Variants in RELCH observed in about 807,000 individuals in gnomAD.
The protein encoded by RELCH is RAB11-binding protein RELCH.
Under a neutral mutation model 150.3 loss-of-function variants are expected in RELCH, and 41 were observed. The ratio of observed to expected loss-of-function variants is 0.27; its 90% CI spans 0.21 to 0.35. The LOEUF (loss-of-function observed/expected upper bound fraction) is 0.35. RELCH is among the 10% of genes least tolerant of loss of function. RELCH has a pLI of 1.00. For missense variants in RELCH, 1,092 were observed against 1,467.8 expected (o/e 0.74, Z 4.18); for synonymous variants, 478 against 531.8 (o/e 0.90, Z 1.39).
intron 18 of RELCH, among the ~76,000 whole-genome samples, chr18:62,265,176 TACTTACTG>T (rs1323454830): frequency 6.6e-6 from 1 of 152,080 alleles, no homozygotes; most frequent in Non-Finnish European, 1.5e-5. Flanking sequence ...GTGCTGCTGG[TACTTACTG>T]TCTATCACAG....
intron 27 of RELCH, among the ~76,000 whole-genome samples, chr18:62,298,100 C>G (rs576327235): frequency 6.6e-6 from 1 of 151,570 alleles, no homozygotes; most frequent in Non-Finnish European, 1.5e-5. Flanking sequence ...TTATCCCCCC[C>G]CGTCTAAAAA....
At chr18:62,250,708 G>A (rs547508493) in intron 11 of RELCH, among the ~76,000 whole-genome samples, 1 of 152,304 alleles carries the variant, frequency 6.6e-6, no homozygotes, top group South Asian at 2.1e-4. Flanking sequence ...TGTTTCCAAA[G>A]AGCTTTGTTA....
intron 1 of RELCH, among the ~76,000 whole-genome samples, chr18:62,195,407 T>C (rs748010303): frequency 5.3e-5 from 8 of 152,190 alleles, no homozygotes; most frequent in Non-Finnish European, 7.4e-5. Flanking sequence ...GGTAATGACA[T>C]TGATGAACAC....
rs1568459489 is a variant in RELCH, at chr18:62,305,548, GC to G, written c.*19del. 1 of 1,602,668 alleles carries G rather than the reference GC, an allele frequency of 6.2e-7. No homozygotes were observed. ...AGAAAGAAGTAGAAGCAGGAAAGAAGCCCCCAGTAAACACTAAGATGGACCT... is the reference window on the plus strand; with the variant it reads ...AGAAAGAAGTAGAAGCAGGAAAGAAGCCCCAGTAAACACTAAGATGGACCT... On this transcript the variant is annotated 3_prime_UTR_variant, in exon 29 of 29. Transcript: ENST00000644646. This position sits in a 1 kb window ranked among gnomAD's most constrained non-coding sequence, Gnocchi z 4.0.
chr18:62,255,475 T>C lies in RELCH; in HGVS notation c.1893T>C (p.Leu631=). The change falls in exon 13 of 29, where the codon CTT becomes CTC. Residue 631 remains leucine, a synonymous_variant. Transcript: ENST00000644646. Reference sequence around the variant, plus strand: ...CCTGTGGAGCACTGGCACCTTACCTTCCTGTAAGATTGTCTTTTTTTTTTT... The same window carrying C: ...CCTGTGGAGCACTGGCACCTTACCTCCCTGTAAGATTGTCTTTTTTTTTTT... The part of the protein sequence containing the change: ...AESCGALAPY[L]PKEIRSSLVL... 2 of 1,582,568 alleles carry C rather than the reference T, an allele frequency of 1.3e-6. No homozygotes were observed. The highest frequency in any genetic ancestry group is 1.7e-6 in the Non-Finnish European group (2 of 1,169,740).
intron 7 of RELCH, 67 bp downstream of exon 7, chr18:62,227,756 A>G (rs1429722888): frequency 1.4e-6 from 1 of 716,408 alleles, no homozygotes; most frequent in Non-Finnish European, 2.3e-6. Context: ...AAGTTATGCA[A>G]ATATATGAAA....
At chr18:62,250,327 A>T (rs1600081394) in intron 11 of RELCH, among the ~76,000 whole-genome samples, 1 of 152,212 alleles carries the variant, frequency 6.6e-6, no homozygotes, top group East Asian at 1.9e-4. Flanking sequence ...GAAGCTCTAT[A>T]CAAGTGTGCA....
Position 62,219,877 on chromosome 18 carries a change from A to G in RELCH, c.617-1160A>G, listed in dbSNP as rs139896277. Among the ~76,000 whole-genome samples, 16 of 152,148 alleles carry G rather than the reference A, an allele frequency of 1.1e-4. No homozygotes were observed. In the South Asian group the frequency reaches 1.7e-3, roughly 16 times the overall value. On this transcript the variant is annotated intron_variant, in intron 2 of 28. Transcript: ENST00000644646. ...TTTTTATAGCTGTGGCTCTGATAACATCTCATTTGGCATCTTTTTTATGTG... is the reference window on the plus strand; with the variant it reads ...TTTTTATAGCTGTGGCTCTGATAACGTCTCATTTGGCATCTTTTTTATGTG...
intron 2 of RELCH, among the ~76,000 whole-genome samples, chr18:62,219,000 T>C (rs1009448407): frequency 3.3e-5 from 5 of 151,982 alleles, no homozygotes; most frequent in African/African-American, 1.2e-4. Context: ...TACTTGATCA[T>C]ATTATGCCTT....
At chr18:62,197,752 T>C (rs1050169124) in intron 1 of RELCH, among the ~76,000 whole-genome samples, 7 of 152,204 alleles carry the variant, frequency 4.6e-5, no homozygotes, top group Non-Finnish European at 8.8e-5. Context: ...AGAGCTGATA[T>C]GATTGGATTA....
At chr18:62,248,813 C>G (rs1295786024) in intron 11 of RELCH, among the ~76,000 whole-genome samples, 1 of 152,068 alleles carries the variant, frequency 6.6e-6, no homozygotes, top group Non-Finnish European at 1.5e-5. Flanking sequence ...AGTAAAGATG[C>G]CTGAGTTGAG....
chr18:62,232,826 A>G (rs1250720807), intron 10 of RELCH, among the ~76,000 whole-genome samples: 1 of 152,090 alleles, frequency 6.6e-6, no homozygotes, highest in Non-Finnish European at 1.5e-5. Context: ...GATGAATAAT[A>G]TAAAACTAGT....
At chr18:62,262,800 G>A (rs767050605) in intron 16 of RELCH, among the ~76,000 whole-genome samples, 1 of 151,956 alleles carries the variant, frequency 6.6e-6, no homozygotes, top group East Asian at 1.9e-4. Context: ...CCTTAACAAA[G>A]GACCACCAAC....
intron 15 of RELCH, among the ~76,000 whole-genome samples, chr18:62,259,408 T>C (rs2043148618): frequency 1.3e-5 from 2 of 151,732 alleles, no homozygotes; most frequent in Non-Finnish European, 2.9e-5. Context: ...AAAAAATGCT[T>C]AGGAATATAT....
At chr18:62,279,739 A>G in intron 22 of RELCH, 35 bp from the exon 23 acceptor site, 2 of 1,381,030 alleles carry the variant, frequency 1.4e-6, no homozygotes, top group African/African-American at 1.4e-5. Flanking sequence ...CTTTCCGTGC[A>G]TCACCTGTGA....
At chr18:62,234,610 G>A (rs2041780065) in intron 10 of RELCH, among the ~76,000 whole-genome samples, 1 of 151,350 alleles carries the variant, frequency 6.6e-6, no homozygotes, top group African/African-American at 2.4e-5. Context: ...TTGGAAACAG[G>A]GTTTAATGTT....
At chr18:62,270,332 T>A (rs1224523672) in intron 20 of RELCH, among the ~76,000 whole-genome samples, 1 of 152,124 alleles carries the variant, frequency 6.6e-6, no homozygotes, top group Non-Finnish European at 1.5e-5. Flanking sequence ...TAAGCCAGGG[T>A]GTGAACCAGG....
intron 28 of RELCH, among the ~76,000 whole-genome samples, chr18:62,303,012 A>T (rs931371940): frequency 1.4e-4 from 21 of 152,288 alleles, no homozygotes; most frequent in African/African-American, 4.6e-4. Flanking sequence ...CTTTTCCTGG[A>T]TTAAAATCTC....
At chr18:62,291,004 A>G (rs887133863) in intron 26 of RELCH, among the ~76,000 whole-genome samples, 1 of 152,166 alleles carries the variant, frequency 6.6e-6, no homozygotes, top group African/African-American at 2.4e-5. Flanking sequence ...TCTGTAATGC[A>G]GTTGTCTATG....
Sources: allele counts gnomAD v4.1 joint callset (sites outside exome capture counted in the v4.1 genomes callset), GRCh38; gene constraint gnomAD v4.1.1; non-coding constraint Gnocchi (gnomAD v3.1); transcripts MANE v1.5; gene names NCBI Gene and HGNC (gene_info 2026-07-23, HGNC 2026-07-21).